The following ZNF480 variants were observed in gnomAD, a reference collection of about 807,000 sequenced individuals.
The protein encoded by ZNF480 is zinc finger protein 480.
In ZNF480, 15 loss-of-function variants were observed where a neutral mutation model predicts 14.4. The observed-to-expected ratio is 1.04, with a 90% CI of 0.70 to 1.60. The LOEUF (loss-of-function observed/expected upper bound fraction) is 1.60, where lower values mean the gene tolerates loss of function less well. Ranked by LOEUF, ZNF480 falls within the 40% of genes most tolerant of loss-of-function variation. The probability of loss-of-function intolerance (pLI) is 0.00; values close to 1 mark genes in which losing one functional copy is unlikely to be tolerated. For synonymous variants in ZNF480, 218 were observed against 215.5 expected (o/e 1.01, Z -0.10); for missense variants, 593 against 629.7 (o/e 0.94, Z 0.62).
At chr19:52,300,646 C>A in intron 2 of ZNF480, 162 bp downstream of exon 2, 3 of 1,243,236 alleles carry the variant, frequency 2.4e-6, no homozygotes, top group South Asian at 1.4e-5. Flanking sequence ...GTCGTGGGGA[C>A]CCTAACCTAG....
rs1242371821 is a variant in ZNF480 at position 52,321,632 on chromosome 19, C to G, written c.382C>G (p.Leu128Val). Residue 128 changes from leucine to valine, a missense_variant, in exon 5 of 5, where the codon CTT becomes GTT. Coordinates refer to ENST00000595962, the MANE Select transcript of ZNF480 (RefSeq NM_144684.4). ...AGAAGACAAACCAATTAAAAAACAACTTGGAGTATCCTTTCACTTACATCT... is the reference window on the plus strand; with the variant it reads ...AGAAGACAAACCAATTAAAAAACAAGTTGGAGTATCCTTTCACTTACATCT... ...NAEDKPIKKQ[L>V]GVSFHLHLSE... 6.2e-7 allele frequency: 1 copy of G among 1,609,670 alleles called. No individual in the cohort carries two copies. The highest frequency in any genetic ancestry group is 8.5e-7 in the Non-Finnish European group (1 of 1,177,294).
chr19:52,313,180 A>G (rs1983375447), intron 2 of ZNF480, among the ~76,000 whole-genome samples: 1 of 137,682 alleles, frequency 7.3e-6, no homozygotes, highest in South Asian at 2.3e-4. Flanking sequence ...CTTTTCCCCC[A>G]GGATGGACTA....
chr19:52,310,019 TTC>T (rs1983193515), intron 2 of ZNF480, among the ~76,000 whole-genome samples: 1 of 152,062 alleles, frequency 6.6e-6, no homozygotes, highest in African/African-American at 2.4e-5. Context: ...ATATATTTTT[TTC>T]TTTTTTTTAA....
intron 2 of ZNF480, among the ~76,000 whole-genome samples, chr19:52,312,504 T>C (rs1983337337): frequency 6.6e-6 from 1 of 152,154 alleles, no homozygotes. Context: ...CCTAAACTTG[T>C]TTTAACTTTT....
chr19:52,302,494 T>C (rs1475467115), intron 2 of ZNF480, among the ~76,000 whole-genome samples: 2 of 152,236 alleles, frequency 1.3e-5, no homozygotes, highest in Non-Finnish European at 2.9e-5. Context: ...AGAGCTTGGC[T>C]AGTACGGCCT....
intron 2 of ZNF480, among the ~76,000 whole-genome samples, chr19:52,312,068 C>T (rs906637446): frequency 1.3e-5 from 2 of 151,596 alleles, no homozygotes; most frequent in Non-Finnish European, 2.9e-5. Flanking sequence ...TCCATGACCT[C>T]GGAAATTGTC....
At chr19:52,303,216 C>G (rs1270735177) in intron 2 of ZNF480, among the ~76,000 whole-genome samples, 1 of 152,162 alleles carries the variant, frequency 6.6e-6, no homozygotes, top group African/African-American at 2.4e-5. Context: ...AGAAGCTTTA[C>G]TGTTACTAGA....
chr19:52,304,622 G>C (rs1568629914), intron 2 of ZNF480, among the ~76,000 whole-genome samples: 1 of 151,910 alleles, frequency 6.6e-6, no homozygotes, highest in Non-Finnish European at 1.5e-5. Context: ...TGGGAATTTT[G>C]TCCTTCTGCT....
chr19:52,297,887 C>T (rs1047939733), intron 1 of ZNF480: 1 of 151,660 alleles, frequency 6.6e-6, no homozygotes, highest in Non-Finnish European at 1.5e-5. Flanking sequence ...GAAAGAGAGA[C>T]GGAGAGCGAG....
In ZNF480 at chr19:52,325,309, T is replaced by C. The variant is rs1292641703; in HGVS notation, c.*2451T>C. 1 of 150,602 alleles carries C rather than the reference T, an allele frequency of 6.6e-6. No individual in the cohort carries two copies. Among genetic ancestry groups the C allele is most frequent in the Non-Finnish European group, 1.5e-5 (1 of 67,372 alleles). The allele number at this position is 150,602 out of a possible 1,614,324, so 9.3% of individuals were successfully genotyped here. A position where few individuals can be genotyped will look rare whatever the true frequency, so the allele number is the denominator to read the frequency against. ...TGAGGCTGCAGAGAAAAGCAAATAC[T>C]TATACACTGCTGGTGGGAATGTAAA... is the stretch of plus-strand genomic sequence containing the variant. On this transcript the variant is annotated 3_prime_UTR_variant, in exon 5 of 5. Transcript: ENST00000595962.
At chr19:52,311,047 T>G (rs1207073303) in intron 2 of ZNF480, among the ~76,000 whole-genome samples, 1 of 151,606 alleles carries the variant, frequency 6.6e-6, no homozygotes, top group Non-Finnish European at 1.5e-5. Flanking sequence ...GCTGAGATAT[T>G]TTCTGTGACT....
intron 2 of ZNF480, chr19:52,313,882 G>A: frequency 2.5e-6 from 1 of 392,768 alleles, no homozygotes; most frequent in Non-Finnish European, 5.1e-6. Context: ...GGGAGGCTGA[G>A]GCACAAGAAT....
intron 2 of ZNF480, among the ~76,000 whole-genome samples, chr19:52,305,181 A>T (rs995584125): frequency 6.6e-6 from 1 of 152,190 alleles, no homozygotes; most frequent in African/African-American, 2.4e-5. Context: ...AATGCAATAT[A>T]TAACTGCTTT....
intron 2 of ZNF480, among the ~76,000 whole-genome samples, chr19:52,302,781 A>G (rs1982757894): frequency 6.6e-6 from 1 of 152,246 alleles, no homozygotes; most frequent in Non-Finnish European, 1.5e-5. Context: ...GCATTGCTGG[A>G]TAATAGATTT....
chr19:52,314,029 C>T, intron 2 of ZNF480, 124 bp from the exon 3 acceptor site: 1 of 1,095,968 alleles, frequency 9.1e-7, no homozygotes, highest in Non-Finnish European at 1.3e-6. Flanking sequence ...ATCACAGATA[C>T]CTTAATGGGG....
At chr19:52,304,383 A>G (rs920158746) in intron 2 of ZNF480, among the ~76,000 whole-genome samples, 1 of 152,152 alleles carries the variant, frequency 6.6e-6, no homozygotes, top group Admixed American at 6.5e-5. Flanking sequence ...TGCTCCATTT[A>G]TGTGATTTTT....
In ZNF480 at chr19:52,314,230, T is replaced by C; in HGVS notation, c.150T>C (p.Ala50=). 1 of 1,582,996 alleles carries C rather than the reference T, an allele frequency of 6.3e-7. No homozygotes were observed. The highest frequency in any genetic ancestry group is 8.6e-7 in the Non-Finnish European group (1 of 1,160,396). Residue 50 remains alanine, a synonymous_variant, in exon 3 of 5, where the codon GCT becomes GCC. Coordinates refer to ENST00000595962, the MANE Select transcript of ZNF480 (RefSeq NM_144684.4). ...EWKCLDPAQR[A]LYKDVMLENY... The stretch of plus-strand genomic sequence containing the variant: ...AATGCCTGGACCCTGCACAGAGGGC[T>C]TTATACAAGGATGTGATGTTGGAGA...
intron 2 of ZNF480, chr19:52,313,744 C>A: frequency 2.4e-6 from 1 of 417,346 alleles, no homozygotes; most frequent in Admixed American, 2.6e-5. Flanking sequence ...AATCCCAGCA[C>A]TTAGGGAGGC....
chr19:52,310,383 T>C (rs1036594539), intron 2 of ZNF480, among the ~76,000 whole-genome samples: 1 of 152,176 alleles, frequency 6.6e-6, no homozygotes, highest in Non-Finnish European at 1.5e-5. Flanking sequence ...TTAGTTAATA[T>C]GTTAAAATGA....
Sources: gnomAD v4.1 joint callset for allele counts (sites outside exome capture counted in the v4.1 genomes callset) on GRCh38, gnomAD v4.1.1 for gene constraint, MANE v1.5 for transcripts, NCBI Gene and HGNC (gene_info 2026-07-23, HGNC 2026-07-21) for gene names.